FOXK1: variants seen among roughly 807,000 people sequenced by gnomAD.
FOXK1 encodes forkhead box K1.
FOXK1 carries 19 observed loss-of-function variants against 51.9 expected under a neutral mutation model. The ratio of observed to expected loss-of-function variants is 0.37; its 90% CI spans 0.26 to 0.54. FOXK1 has a LOEUF of 0.54. Among genes scored for constraint, FOXK1 ranks in the 20% least tolerant of loss-of-function variants. FOXK1 has a pLI of 0.87. For missense variants in FOXK1, 870 were observed against 1,032.7 expected, an observed-to-expected ratio of 0.84 and a Z score of 2.16; for synonymous variants, 537 against 482.6, an observed-to-expected ratio of 1.11 and a Z score of -1.48.
At chr7:4,720,903 T>C (rs1460971148) in intron 1 of FOXK1, among the ~76,000 whole-genome samples, 2 of 151,312 alleles carry the variant, frequency 1.3e-5, no homozygotes, top group Non-Finnish European at 2.9e-5. Context: ...ATTTTTAGTA[T>C]AGACGGGGAT....
rs2115057379 is a variant in FOXK1, at chr7:4,734,891, G to C, written c.561-5947G>C. Among the ~76,000 whole-genome samples, 2 of 152,306 alleles carry C rather than the reference G, an allele frequency of 1.3e-5. No individual in the cohort carries two copies. Among genetic ancestry groups the C allele is most frequent in the South Asian group, 4.1e-4 (2 of 4,830 alleles). The stretch of plus-strand genomic sequence containing the variant: ...GGGGCGAGGGGACAGCGGTGGACAG[G>C]AGCGATCTGTCACATTCATTTTAAA... On this transcript the variant is annotated intron_variant, in intron 1 of 8. Transcript: ENST00000328914. This position sits in a 1 kb window ranked among gnomAD's most constrained non-coding sequence, Gnocchi z 5.2.
At position 4,750,445 on chromosome 7, in the gene FOXK1, CTTTT is replaced by C. The variant is rs1217215296; in HGVS notation, c.747-4002_747-3999del. 7.0e-5 allele frequency among the ~76,000 whole-genome samples: 10 copies of C among 142,682 alleles called. No individual in the cohort carries two copies. The East Asian group carries it at 2.0e-3, about 29-fold the overall frequency. 93.6% of individuals were successfully genotyped at this position (142,682 alleles called of 152,430 possible). A position where few individuals can be genotyped will look rare whatever the true frequency, so the allele number is the denominator to read the frequency against. Reference sequence around the variant, plus strand: ...CACGTGTATGCCGTCGTTTTCAGCACTTTTTTTTTTTTTTTGAGACAGAATCTCG... The same window carrying C: ...CACGTGTATGCCGTCGTTTTCAGCACTTTTTTTTTTTGAGACAGAATCTCG... On this transcript the variant is annotated intron_variant, in intron 2 of 8. Coordinates refer to ENST00000328914, the MANE Select transcript of FOXK1 (RefSeq NM_001037165.2).
In FOXK1 at chr7:4,734,571, C is replaced by A. The variant is rs569948177; in HGVS notation, c.561-6267C>A. On this transcript the variant is annotated intron_variant, in intron 1 of 8. Coordinates refer to ENST00000328914, the MANE Select transcript of FOXK1 (RefSeq NM_001037165.2). The surrounding 1 kb of genome is among the most constrained non-coding windows in gnomAD (Gnocchi z 5.2). ...GGAGGTGCCCCCCGGCCCACCCCCCCGCTGCCCAAGTGTGCGTGGGCATCG... is the reference window on the plus strand; with the variant it reads ...GGAGGTGCCCCCCGGCCCACCCCCCAGCTGCCCAAGTGTGCGTGGGCATCG... Among the ~76,000 whole-genome samples, 9 of 152,340 alleles carry A rather than the reference C, an allele frequency of 5.9e-5. No homozygotes were observed. In the South Asian group the frequency reaches 1.4e-3, roughly 25 times the overall value.
At chr7:4,712,651 T>C (rs1780189263) in intron 1 of FOXK1, among the ~76,000 whole-genome samples, 1 of 152,206 alleles carries the variant, frequency 6.6e-6, no homozygotes, top group African/African-American at 2.4e-5. Flanking sequence ...TGTCTTTAAG[T>C]GTACCAGCGA....
intron 2 of FOXK1, among the ~76,000 whole-genome samples, chr7:4,744,368 G>A (rs900515153): frequency 7.9e-5 from 12 of 152,122 alleles, no homozygotes; most frequent in African/African-American, 2.4e-4. Flanking sequence ...AGGGTGAACC[G>A]CGTACCCCGT....
At chr7:4,699,141 C>T (rs75218590) in intron 1 of FOXK1, among the ~76,000 whole-genome samples, 6,083 of 152,288 alleles carry the variant, frequency 0.04, 200 homozygotes, top group East Asian at 0.17. Flanking sequence ...TTTGTCATTA[C>T]TGACCTTGAC....
At position 4,763,485 on chromosome 7, in the gene FOXK1, T is replaced by G. The variant is rs1358567426; in HGVS notation, c.*1021T>G. 2 of 152,408 alleles carry G rather than the reference T, an allele frequency of 1.3e-5. No individual in the cohort carries two copies. Among genetic ancestry groups the G allele is most frequent in the African/African-American group, 4.8e-5 (2 of 41,450 alleles). The allele number at this position is 152,408 out of a possible 1,614,324, so 9.4% of individuals were successfully genotyped here. The stretch of plus-strand genomic sequence containing the variant: ...CACCACTCCCACATTGATCTGCTGT[T>G]TTCAATTGGAACCATTTCTCCTGCC... On this transcript the variant is annotated 3_prime_UTR_variant, in exon 9 of 9. Transcript: ENST00000328914.
In FOXK1 at chr7:4,768,262, A is replaced by C. The variant is rs963689246; in HGVS notation, c.*5798A>C. 6.9e-6 allele frequency: 1 copy of C among 144,366 alleles called. No homozygotes were observed. Among genetic ancestry groups the C allele is most frequent in the Non-Finnish European group, 1.5e-5 (1 of 67,424 alleles). 8.9% of individuals were successfully genotyped at this position (144,366 alleles called of 1,614,324 possible). A position where few individuals can be genotyped will look rare whatever the true frequency, so the allele number is the denominator to read the frequency against. On this transcript the variant is annotated 3_prime_UTR_variant, in exon 9 of 9. Coordinates refer to ENST00000328914, the MANE Select transcript of FOXK1 (RefSeq NM_001037165.2). The stretch of plus-strand genomic sequence containing the variant: ...ATTCTCCTGCCTCAGCCTCCCGAGT[A>C]GCTGGGACTACAGGCGCCCGCTACC...
In FOXK1 at chr7:4,764,610, G is replaced by A. The variant is rs571608779; in HGVS notation, c.*2146G>A. On this transcript the variant is annotated 3_prime_UTR_variant, in exon 9 of 9. Coordinates refer to ENST00000328914, the MANE Select transcript of FOXK1 (RefSeq NM_001037165.2). ...GCTCCCCGACACCGGTGCCTGTGTG[G>A]CCTGAGCCGGCGCCCTCCCGGGAGC... The A allele has an allele frequency of 5.2e-5, 8 of 153,546 alleles. 1 individual carries two copies. Among genetic ancestry groups the A allele is most frequent in the African/African-American group, 1.9e-4 (8 of 41,588 alleles). The allele number at this position is 153,546 out of a possible 1,614,324, so 9.5% of individuals were successfully genotyped here. A position where few individuals can be genotyped will look rare whatever the true frequency, so the allele number is the denominator to read the frequency against.
intron 7 of FOXK1, among the ~76,000 whole-genome samples, chr7:4,760,653 C>G (rs533414223): frequency 6.6e-6 from 1 of 152,262 alleles, no homozygotes; most frequent in East Asian, 1.9e-4. Flanking sequence ...AAGTTCAAGA[C>G]CAGCCTGGCC....
chr7:4,746,180 A>C lies in FOXK1; in HGVS notation c.746+5157A>C, dbSNP rs148503381. Reference sequence around the variant, plus strand: ...CGGCGAAGGTCAGCAGTATGTAAATATACAGTAAAAATGCAGCAACTGACT... The same window carrying C: ...CGGCGAAGGTCAGCAGTATGTAAATCTACAGTAAAAATGCAGCAACTGACT... On this transcript the variant is annotated intron_variant, in intron 2 of 8. Coordinates refer to ENST00000328914, the MANE Select transcript of FOXK1 (RefSeq NM_001037165.2). 2.8e-4 allele frequency among the ~76,000 whole-genome samples: 43 copies of C among 152,352 alleles called. 1 individual carries two copies. Among genetic ancestry groups the C allele is most frequent in the African/African-American group, 1.0e-3 (42 of 41,582 alleles).
intron 1 of FOXK1, among the ~76,000 whole-genome samples, chr7:4,712,775 C>T (rs1315674936): frequency 6.6e-6 from 1 of 152,184 alleles, no homozygotes; most frequent in African/African-American, 2.4e-5. Flanking sequence ...GTGTTCAAAT[C>T]CGTTTATGAT....
In FOXK1 at chr7:4,763,691, G is replaced by A. The variant is rs978080902; in HGVS notation, c.*1227G>A. The A allele has an allele frequency of 6.6e-6, 1 of 152,314 alleles. No homozygotes were observed. Among genetic ancestry groups the A allele is most frequent in the African/African-American group, 2.4e-5 (1 of 41,466 alleles). The allele number at this position is 152,314 out of a possible 1,614,324, so 9.4% of individuals were successfully genotyped here. A position where few individuals can be genotyped will look rare whatever the true frequency, so the allele number is the denominator to read the frequency against. ...AGTTGGGTGGTTCTGGGGTCCCTGA[G>A]GAAGCCCCCTCCTGCACTTCCATTA... is the stretch of plus-strand genomic sequence containing the variant. On this transcript the variant is annotated 3_prime_UTR_variant, in exon 9 of 9. Coordinates refer to ENST00000328914, the MANE Select transcript of FOXK1 (RefSeq NM_001037165.2).
In FOXK1 at chr7:4,745,554, T is replaced by A. The variant is rs954249032; in HGVS notation, c.746+4531T>A. On this transcript the variant is annotated intron_variant, in intron 2 of 8. Coordinates refer to ENST00000328914, the MANE Select transcript of FOXK1 (RefSeq NM_001037165.2). The surrounding 1 kb of genome is among the most constrained non-coding windows in gnomAD (Gnocchi z 4.3). ...GAAAATGAATGAACTCTCTTTGAAA[T>A]AAATTCTGCTATCTTTAGCAGAAGT... is the stretch of plus-strand genomic sequence containing the variant. Among the ~76,000 whole-genome samples the A allele has an allele frequency of 6.6e-6, 1 of 152,186 alleles. No homozygotes were observed. The highest frequency in any genetic ancestry group is 1.5e-5 in the Non-Finnish European group (1 of 68,032).
intron 1 of FOXK1, among the ~76,000 whole-genome samples, chr7:4,716,904 A>C (rs1191173965): frequency 1.3e-5 from 2 of 152,174 alleles, no homozygotes; most frequent in African/African-American, 4.8e-5. Context: ...TCTGGCTTGT[A>C]TGTGCAGCAC....
intron 1 of FOXK1, among the ~76,000 whole-genome samples, chr7:4,705,627 C>G (rs1252449387): frequency 6.6e-6 from 1 of 151,184 alleles, no homozygotes; most frequent in East Asian, 2.0e-4. Context: ...ACCTCTGCTT[C>G]CCGCATTGAA....
At chr7:4,754,952 G>C in intron 3 of FOXK1, 1 of 560,898 alleles carries the variant, frequency 1.8e-6, no homozygotes, top group Non-Finnish European at 3.2e-6. Flanking sequence ...CTTTGTCTTA[G>C]TTCATTTTTG....
In FOXK1 at chr7:4,756,588, C is replaced by T. The variant is rs1176130463; in HGVS notation, c.1051-406C>T. Among the ~76,000 whole-genome samples the T allele has an allele frequency of 6.6e-6, 1 of 151,654 alleles. No homozygotes were observed. Among genetic ancestry groups the T allele is most frequent in the Non-Finnish European group, 1.5e-5 (1 of 67,908 alleles). ...ATTGGTTAAGCCCAAGAGTGTGAGA[C>T]CCCATCTCAACTAAAAATACAAAAA... On this transcript the variant is annotated intron_variant, in intron 4 of 8. Transcript: ENST00000328914. This position sits in a 1 kb window ranked among gnomAD's most constrained non-coding sequence, Gnocchi z 4.1.
intron 1 of FOXK1, among the ~76,000 whole-genome samples, chr7:4,739,651 C>T (rs1308857966): frequency 6.6e-6 from 1 of 152,184 alleles, no homozygotes; most frequent in African/African-American, 2.4e-5. Context: ...CCGAGGCTCA[C>T]GGTTTTAAGC....
Sources: allele counts gnomAD v4.1 joint callset (sites outside exome capture counted in the v4.1 genomes callset), GRCh38; gene constraint gnomAD v4.1.1; non-coding constraint Gnocchi (gnomAD v3.1); transcripts MANE v1.5; gene names NCBI Gene and HGNC (gene_info 2026-07-23, HGNC 2026-07-21).